Variants in PTN observed in about 807,000 individuals in gnomAD.
PTN encodes the protein pleiotrophin, also known as heparin affin regulatory protein.
Under a neutral mutation model 24.1 loss-of-function variants are expected in PTN, and 18 were observed. The ratio of observed to expected loss-of-function variants is 0.75; its 90% confidence interval spans 0.52 to 1.11. PTN has a LOEUF of 1.11. Among genes scored for constraint, PTN ranks in the 50% least tolerant of loss-of-function variants. The pLI, the probability that PTN is intolerant of heterozygous loss-of-function variation, is 0.00. For synonymous variants in PTN, 78 were observed against 68.6 expected (o/e 1.14, Z -0.67); for missense variants, 163 against 198.8 (o/e 0.82, Z 1.08).
intron 1 of PTN, among the ~76,000 whole-genome samples, chr7:137,262,853 A>C (rs1809067311): frequency 2.0e-5 from 3 of 152,194 alleles, no homozygotes. Flanking sequence ...TACCAGGCTT[A>C]GGTCAGGCAG....
chr7:137,248,492 C>G (rs569458619), intron 4 of PTN, among the ~76,000 whole-genome samples: 1 of 152,136 alleles, frequency 6.6e-6, no homozygotes, highest in Admixed American at 6.5e-5. Context: ...TCAAGACCAG[C>G]CTGACCAACA....
intron 1 of PTN, chr7:137,287,759 T>A (rs1809579499): frequency 6.6e-6 from 1 of 152,140 alleles, no homozygotes; most frequent in South Asian, 2.1e-4. Context: ...GATCTGATAT[T>A]GTGTCAAGAA....
intron 4 of PTN, among the ~76,000 whole-genome samples, chr7:137,228,654 G>T (rs1043290269): frequency 4.0e-5 from 6 of 151,848 alleles, no homozygotes; most frequent in Admixed American, 3.9e-4. Flanking sequence ...TCTCTCTGGA[G>T]CTTTGCCTAC....
rs1209927286 is a variant in PTN at position 137,236,209 on chromosome 7, C to A, written c.452-8134G>T. ...CACTCCTCTCTACCATCTTCTCAAACTCTCCCCACTCCTGTGTCTCCATTT... is the reference window on the plus strand; with the variant it reads ...CACTCCTCTCTACCATCTTCTCAAAATCTCCCCACTCCTGTGTCTCCATTT... On this transcript the variant is annotated intron_variant, in intron 4 of 4. Coordinates refer to ENST00000348225, the MANE Select transcript of PTN (RefSeq NM_002825.7). 4 of 702,372 alleles carry A rather than the reference C, an allele frequency of 5.7e-6. No homozygotes were observed. The East Asian group carries it at 1.1e-4, about 19-fold the overall frequency. The allele number at this position is 702,372 out of a possible 1,614,324, so 43.5% of individuals were successfully genotyped here. A position where few individuals can be genotyped will look rare whatever the true frequency, so the allele number is the denominator to read the frequency against.
intron 1 of PTN, among the ~76,000 whole-genome samples, chr7:137,280,691 T>TAACAAAAAAAAAAAAAAAAAAAAAAAA (rs760779128): frequency 5.4e-4 from 8 of 14,750 alleles, no homozygotes; most frequent in Admixed American, 1.3e-3. Context: ...CCGTCTCTAC[T>TAACAAAAAAAAAAAAAAAAAAAAAAAA]AAAAATACAA....
At chr7:137,269,205 T>C (rs1446101720) in intron 1 of PTN, among the ~76,000 whole-genome samples, 1 of 152,116 alleles carries the variant, frequency 6.6e-6, no homozygotes, top group East Asian at 1.9e-4. Context: ...TATCTAACTT[T>C]CTGAGATTTT....
intron 1 of PTN, among the ~76,000 whole-genome samples, chr7:137,265,550 G>A (rs900000086): frequency 1.3e-5 from 2 of 152,236 alleles, no homozygotes; most frequent in African/African-American, 4.8e-5. Context: ...GTTGGGAGAC[G>A]GAGGCTGGAT....
At chr7:137,288,459 G>T (rs1473370330) in intron 1 of PTN, among the ~76,000 whole-genome samples, 2 of 152,116 alleles carry the variant, frequency 1.3e-5, no homozygotes, top group African/African-American at 2.4e-5. Context: ...AATGTGATTT[G>T]TAATTATTAT....
chr7:137,266,661 T>G (rs548982450), intron 1 of PTN, among the ~76,000 whole-genome samples: 183 of 143,096 alleles, frequency 1.3e-3, no homozygotes, highest in Non-Finnish European at 7.7e-4. Flanking sequence ...AACCATTCTG[T>G]TTTTTTTTTT....
intron 4 of PTN, among the ~76,000 whole-genome samples, chr7:137,246,144 C>T (rs554032473): frequency 6.6e-6 from 1 of 152,294 alleles, no homozygotes; most frequent in South Asian, 2.1e-4. Context: ...GTCCTGCAAG[C>T]TCCATTCACG....
chr7:137,300,374 G>A (rs1809786965), intron 1 of PTN, among the ~76,000 whole-genome samples: 1 of 151,826 alleles, frequency 6.6e-6, no homozygotes, highest in South Asian at 2.1e-4. Context: ...TGCTTTGTAG[G>A]TGTCAGCCCA....
At chr7:137,332,007 T>A (rs1810366815) in intron 1 of PTN, among the ~76,000 whole-genome samples, 1 of 152,220 alleles carries the variant, frequency 6.6e-6, no homozygotes, top group African/African-American at 2.4e-5. Flanking sequence ...TAACATTAAT[T>A]TACTTAGCAT....
intron 4 of PTN, among the ~76,000 whole-genome samples, chr7:137,234,259 C>A (rs1808481369): frequency 6.6e-6 from 1 of 151,670 alleles, no homozygotes; most frequent in Non-Finnish European, 1.5e-5. Flanking sequence ...TAGTTCTGAC[C>A]TCTTGTTATT....
chr7:137,239,110 G>T (rs1391724402), intron 4 of PTN, among the ~76,000 whole-genome samples: 1 of 152,138 alleles, frequency 6.6e-6, no homozygotes, highest in East Asian at 1.9e-4. Flanking sequence ...ATTTATAGCT[G>T]CTAGTTCTCA....
At chr7:137,326,912 T>C (rs1171662824) in intron 1 of PTN, 2 of 151,838 alleles carry the variant, frequency 1.3e-5, no homozygotes, top group African/African-American at 4.8e-5. Context: ...GCCCAGCTCA[T>C]TGTGTGCATT....
intron 1 of PTN, among the ~76,000 whole-genome samples, chr7:137,310,365 A>G (rs1181040797): frequency 1.3e-5 from 2 of 149,494 alleles, no homozygotes; most frequent in Non-Finnish European, 3.0e-5. Flanking sequence ...GTCAGTGAGC[A>G]GTGTCTTCAA....
At chr7:137,284,961 C>T (rs756733426) in intron 1 of PTN, among the ~76,000 whole-genome samples, 11 of 152,140 alleles carry the variant, frequency 7.2e-5, no homozygotes, top group Non-Finnish European at 1.5e-4. Context: ...CATTTGAATA[C>T]ATTTAAGTCA....
intron 1 of PTN, among the ~76,000 whole-genome samples, chr7:137,299,817 C>G (rs16874934): frequency 0.13 from 19,679 of 151,922 alleles, 1,603 homozygotes; most frequent in South Asian, 0.2. Context: ...AGATCTGACT[C>G]TTTTGCCAGA....
chr7:137,276,692 C>T (rs13246065), intron 1 of PTN, among the ~76,000 whole-genome samples: 22,236 of 152,020 alleles, frequency 0.15, 2,148 homozygotes, highest in African/African-American at 0.27. Context: ...CAGACTCATG[C>T]AAGTTAACTA....
Sources: gnomAD v4.1 joint callset for allele counts (sites outside exome capture counted in the v4.1 genomes callset) on GRCh38, gnomAD v4.1.1 for gene constraint, MANE v1.5 for transcripts, NCBI Gene and HGNC (gene_info 2026-07-23, HGNC 2026-07-21) for gene names.